RNF150: variants seen among roughly 807,000 people sequenced by gnomAD.
The protein encoded by RNF150 is ring finger protein 150.
Under a neutral mutation model 39.3 loss-of-function variants are expected in RNF150, and 24 were observed. The ratio of observed to expected loss-of-function variants is 0.61; its 90% CI spans 0.44 to 0.86. The LOEUF (loss-of-function observed/expected upper bound fraction) is 0.86. Among genes scored for constraint, RNF150 ranks in the 40% least tolerant of loss-of-function variants. The pLI is 0.00. For missense variants in RNF150, 502 were observed against 587.8 expected (o/e 0.85, Z 1.51); for synonymous variants, 255 against 227.3 (o/e 1.12, Z -1.10).
At chr4:141,022,325 T>C (rs1364889) in intron 1 of RNF150, among the ~76,000 whole-genome samples, 145,578 of 152,068 alleles carry the variant, frequency 0.96, 70,006 homozygotes, top group East Asian at 1. Context: ...CCTCTAACTC[T>C]GCCTCACTTA....
chr4:141,073,064 C>A (rs906308418), intron 1 of RNF150, among the ~76,000 whole-genome samples: 1 of 151,902 alleles, frequency 6.6e-6, no homozygotes, highest in South Asian at 2.1e-4. Context: ...TATTTAGTCA[C>A]GGCACCACGG....
intron 1 of RNF150, among the ~76,000 whole-genome samples, chr4:141,205,033 G>A (rs916645415): frequency 2.2e-4 from 33 of 152,222 alleles, no homozygotes; most frequent in Admixed American, 1.2e-3. Flanking sequence ...AAATAAAATG[G>A]TCTTACATCA....
intron 4 of RNF150, among the ~76,000 whole-genome samples, chr4:140,939,894 G>A (rs1211052891): frequency 6.6e-6 from 1 of 152,164 alleles, no homozygotes; most frequent in Non-Finnish European, 1.5e-5. Context: ...CTGAATCTCT[G>A]TTGAATATGT....
At chr4:141,195,107 T>TACACACACACACAC (rs71584397) in intron 1 of RNF150, among the ~76,000 whole-genome samples, 65 of 150,060 alleles carry the variant, frequency 4.3e-4, no homozygotes, top group Non-Finnish European at 5.0e-4. Flanking sequence ...GATACATGAA[T>TACACACACACACAC]ACACACACAC....
chr4:141,142,228 A>G (rs1232636694), intron 1 of RNF150, among the ~76,000 whole-genome samples: 2 of 152,106 alleles, frequency 1.3e-5, no homozygotes, highest in Admixed American at 1.3e-4. Flanking sequence ...TGATCCTAAA[A>G]CCTATCATCT....
At chr4:140,997,716 A>ATGTGTGTGTATATATACACACACATATG (rs1323282746) in intron 1 of RNF150, among the ~76,000 whole-genome samples, 5 of 151,514 alleles carry the variant, frequency 3.3e-5, no homozygotes, top group Non-Finnish European at 4.4e-5. Flanking sequence ...ACACACATAT[A>ATGTGTGTGTATATATACACACACATATG]TGTGTGTATA....
At chr4:141,211,469 A>G (rs1728464055) in intron 1 of RNF150, among the ~76,000 whole-genome samples, 1 of 152,180 alleles carries the variant, frequency 6.6e-6, no homozygotes, top group Admixed American at 6.5e-5. Context: ...CACATCTTAC[A>G]TTCCCAGTTA....
chr4:141,199,903 T>C (rs973316689), intron 1 of RNF150, among the ~76,000 whole-genome samples: 1 of 152,202 alleles, frequency 6.6e-6, no homozygotes, highest in African/African-American at 2.4e-5. Context: ...CAATTTTTAG[T>C]AGAATGCCCT....
intron 1 of RNF150, among the ~76,000 whole-genome samples, chr4:141,006,251 T>C (rs1734868453): frequency 6.6e-6 from 1 of 150,652 alleles, no homozygotes; most frequent in African/African-American, 2.4e-5. Flanking sequence ...TATATATACA[T>C]ACATATATAC....
At chr4:141,106,530 C>T (rs560599993) in intron 1 of RNF150, among the ~76,000 whole-genome samples, 3 of 152,098 alleles carry the variant, frequency 2.0e-5, no homozygotes, top group South Asian at 4.2e-4. Context: ...TGGTGGCTCA[C>T]GCCTGTAATA....
chr4:140,953,172 A>G (rs375045959), intron 2 of RNF150, among the ~76,000 whole-genome samples: 15 of 152,364 alleles, frequency 9.8e-5, no homozygotes, highest in Non-Finnish European at 1.2e-4. Context: ...TAATAAAGTC[A>G]TCTTCAACAT....
At chr4:140,989,079 G>A (rs1290339617) in intron 1 of RNF150, among the ~76,000 whole-genome samples, 1 of 152,088 alleles carries the variant, frequency 6.6e-6, no homozygotes, top group African/African-American at 2.4e-5. Flanking sequence ...ACCACAAACT[G>A]TAGCAGTTTA....
intron 6 of RNF150, among the ~76,000 whole-genome samples, chr4:140,878,406 A>G (rs914768694): frequency 7.9e-5 from 12 of 152,040 alleles, no homozygotes; most frequent in African/African-American, 2.7e-4. Flanking sequence ...CCTGGTCTCA[A>G]GTTGATTCAC....
rs1726911423 is a variant in RNF150, at chr4:141,132,225, GC to G, written c.484+99del. 4 of 1,275,502 alleles carry G rather than the reference GC, an allele frequency of 3.1e-6. No homozygotes were observed. The East Asian group carries it at 1.0e-4, about 32-fold the overall frequency. The allele number at this position is 1,275,502 out of a possible 1,614,324, so 79.0% of individuals were successfully genotyped here. On this transcript the variant is annotated intron_variant, in intron 1 of 6. Transcript: ENST00000515673. This position sits in a 1 kb window ranked among gnomAD's most constrained non-coding sequence, Gnocchi z 4.9. ...GGAACCCAGACACGTCTTCCGCGCC[GC>G]ACGGACTTCCCAGAAGGAGCCTGGA...
rs1732445867 is a variant in RNF150, at chr4:140,949,219, C to T, written c.807+82G>A. 3.0e-6 allele frequency: 3 copies of T among 1,005,572 alleles called. No homozygotes were observed. The African/African-American group carries it at 4.9e-5, about 16-fold the overall frequency. The allele number at this position is 1,005,572 out of a possible 1,614,324, so 62.3% of individuals were successfully genotyped here. A position where few individuals can be genotyped will look rare whatever the true frequency, so the allele number is the denominator to read the frequency against. ...CATATATTTCCCTTTCCCATCCTTT[C>T]CTCTCTTCCACCCTGGCTATAAGAA... On this transcript the variant is annotated intron_variant, in intron 3 of 6. Coordinates refer to ENST00000515673, the MANE Select transcript of RNF150 (RefSeq NM_020724.2).
intron 5 of RNF150, among the ~76,000 whole-genome samples, chr4:140,918,872 T>C (rs1358410541): frequency 6.6e-6 from 1 of 152,238 alleles, no homozygotes; most frequent in East Asian, 1.9e-4. Flanking sequence ...GATGAAAGTC[T>C]GGATCAACAT....
At chr4:140,910,131 A>G (rs570573053) in intron 6 of RNF150, among the ~76,000 whole-genome samples, 1 of 152,294 alleles carries the variant, frequency 6.6e-6, no homozygotes, top group South Asian at 2.1e-4. Context: ...AGAAAAATAC[A>G]TATCTTTACA....
chr4:140,881,695 T>C (rs1729379236), intron 6 of RNF150, among the ~76,000 whole-genome samples: 1 of 152,086 alleles, frequency 6.6e-6, no homozygotes, highest in Non-Finnish European at 1.5e-5. Flanking sequence ...GGCAACATAA[T>C]GAGACTATGT....
At chr4:141,175,947 C>G (rs1034652618) in intron 1 of RNF150, among the ~76,000 whole-genome samples, 1 of 152,012 alleles carries the variant, frequency 6.6e-6, no homozygotes, top group Non-Finnish European at 1.5e-5. Flanking sequence ...TGCAGAGGTG[C>G]GATCACAGCT....
Sources: allele counts gnomAD v4.1 joint callset (sites outside exome capture counted in the v4.1 genomes callset), GRCh38; gene constraint gnomAD v4.1.1; non-coding constraint Gnocchi (gnomAD v3.1); transcripts MANE v1.5; gene names NCBI Gene and HGNC (gene_info 2026-07-23, HGNC 2026-07-21).